Variants in ACTR3C observed in about 807,000 individuals in gnomAD.
The protein encoded by ACTR3C is actin related protein 3C.
A neutral mutation model predicts 26.3 loss-of-function variants in ACTR3C; 18 were observed. The ratio of observed to expected loss-of-function variants is 0.68; its 90% confidence interval spans 0.47 to 1.01. The LOEUF (loss-of-function observed/expected upper bound fraction) is 1.01. Ranked by LOEUF, ACTR3C falls within the 50% of genes least tolerant of loss-of-function variation. The probability of loss-of-function intolerance (pLI) is 0.00; values close to 1 mark genes in which losing one functional copy is unlikely to be tolerated. For synonymous variants in ACTR3C, 55 were observed against 94.5 expected, an observed-to-expected ratio of 0.58 and a Z score of 2.42; for missense variants, 184 against 250.7, an observed-to-expected ratio of 0.73 and a Z score of 1.80.
chr7:150,040,230 C>T, the ACTR3C span, among the ~76,000 whole-genome samples: 73 of 147,936 alleles, frequency 4.9e-4, no homozygotes, highest in African/African-American at 1.5e-3. Flanking sequence ...GGGGGGCCAT[C>T]CTTTAGAAAC....
the ACTR3C span, among the ~76,000 whole-genome samples, chr7:150,213,861 G>A: frequency 3.5e-5 from 5 of 141,678 alleles, no homozygotes; most frequent in Admixed American, 3.6e-4. Flanking sequence ...AGTAGAGAAA[G>A]AACTGACAGA....
chr7:150,240,434 G>T (rs562318831), downstream of ACTR3C, among the ~76,000 whole-genome samples: 14 of 152,248 alleles, frequency 9.2e-5, no homozygotes, highest in East Asian at 2.7e-3. Context: ...ATTCTTTACC[G>T]GGACAGCATT....
At chr7:150,071,163 A>G in the ACTR3C span, among the ~76,000 whole-genome samples, 3 of 151,328 alleles carry the variant, frequency 2.0e-5, no homozygotes, top group Non-Finnish European at 2.9e-5. Flanking sequence ...TCGCTCTGTC[A>G]CCCAGGCTGG....
intron 6 of ACTR3C, among the ~76,000 whole-genome samples, chr7:150,249,674 C>T (rs1194457428): frequency 6.6e-6 from 1 of 152,132 alleles, no homozygotes; most frequent in Non-Finnish European, 1.5e-5. Flanking sequence ...AGGCTCGTCT[C>T]GAACTCCTGA....
the ACTR3C span, among the ~76,000 whole-genome samples, chr7:150,082,913 A>G: frequency 4.0e-5 from 6 of 149,294 alleles, no homozygotes; most frequent in Admixed American, 1.3e-4. Flanking sequence ...CAAGTATTCT[A>G]ATTCTTTCTT....
At chr7:150,122,895 A>G in the ACTR3C span, among the ~76,000 whole-genome samples, 5 of 151,358 alleles carry the variant, frequency 3.3e-5, no homozygotes, top group Admixed American at 1.3e-4. Flanking sequence ...ACACCATGGA[A>G]TACTATGCAG....
chr7:150,279,957 T>C (rs1449468086), intron 6 of ACTR3C, among the ~76,000 whole-genome samples: 4 of 152,230 alleles, frequency 2.6e-5, no homozygotes, highest in Non-Finnish European at 5.9e-5. Context: ...GTCTTGTACC[T>C]AGTAGGTACT....
At chr7:149,956,409 A>T in the ACTR3C span, among the ~76,000 whole-genome samples, 4 of 151,104 alleles carry the variant, frequency 2.6e-5, no homozygotes, top group Non-Finnish European at 5.9e-5. Context: ...ATATAAAAAA[A>T]GTAAATAAAC....
intron 3 of ACTR3C, among the ~76,000 whole-genome samples, chr7:150,291,152 C>T (rs1430610827): frequency 1.3e-5 from 2 of 152,106 alleles, no homozygotes; most frequent in Non-Finnish European, 2.9e-5. Context: ...GAGCTTAGGC[C>T]GGGCATAGTG....
At position 150,259,291 on chromosome 7, in the gene ACTR3C, A is replaced by AAGAAAG. The variant is rs879890269; in HGVS notation, c.565-10238_565-10237insCTTTCT. On this transcript the variant is annotated intron_variant, in intron 6 of 7. Coordinates refer to ENST00000683684, the MANE Select transcript of ACTR3C (RefSeq NM_001164458.2). Reference sequence around the variant, plus strand: ...AGAAAGAAAAAGAAAGAAAGAAAGAAAAAGAAAGAAAGAAAGAAAAAGAGA... The same window carrying AAGAAAG: ...AGAAAGAAAAAGAAAGAAAGAAAGAAAGAAAGAAAGAAAGAAAGAAAGAAAAAGAGA... Among the ~76,000 whole-genome samples, 595 of 149,600 alleles carry AAGAAAG rather than the reference A, an allele frequency of 4.0e-3. 4 individuals carry two copies. The highest frequency in any genetic ancestry group is 0.014 in the African/African-American group (553 of 39,392).
chr7:150,321,985 T>A (rs1797563905), intron 1 of ACTR3C, among the ~76,000 whole-genome samples: 1 of 152,170 alleles, frequency 6.6e-6, no homozygotes, highest in African/African-American at 2.4e-5. Context: ...TGGAAAGAAG[T>A]TCAAGGTAGC....
intron 6 of ACTR3C, among the ~76,000 whole-genome samples, chr7:150,277,231 C>T: frequency 6.6e-6 from 1 of 152,172 alleles, no homozygotes; most frequent in Non-Finnish European, 1.5e-5. Context: ...TGGCTCACAT[C>T]TGTAATTCCA....
At chr7:150,022,261 T>A in the ACTR3C span, among the ~76,000 whole-genome samples, 1 of 152,018 alleles carries the variant, frequency 6.6e-6, no homozygotes, top group Admixed American at 6.6e-5. Context: ...GCCATTTGTA[T>A]ACCTTCTTTT....
At chr7:150,296,533 C>T (rs930370289) in intron 1 of ACTR3C, among the ~76,000 whole-genome samples, 4 of 150,532 alleles carry the variant, frequency 2.7e-5, no homozygotes, top group Admixed American at 2.7e-4. Flanking sequence ...TTTTCTCATT[C>T]AACAATATAC....
the ACTR3C span, among the ~76,000 whole-genome samples, chr7:150,179,250 G>A: frequency 6.9e-6 from 1 of 143,896 alleles, no homozygotes; most frequent in Non-Finnish European, 1.5e-5. Context: ...AGGTAGAGAT[G>A]ATTTATTGCC....
the ACTR3C span, among the ~76,000 whole-genome samples, chr7:150,097,465 G>A: frequency 4.6e-5 from 7 of 151,506 alleles, no homozygotes; most frequent in Admixed American, 6.6e-5. Flanking sequence ...GGAGTTCTGC[G>A]GGTCACCTAT....
chr7:150,266,025 G>T (rs1411618120), intron 6 of ACTR3C, among the ~76,000 whole-genome samples: 1 of 149,806 alleles, frequency 6.7e-6, no homozygotes, highest in African/African-American at 2.5e-5. Flanking sequence ...TTCCCATTTT[G>T]CTACTTGATT....
At chr7:150,180,177 C>T in the ACTR3C span, among the ~76,000 whole-genome samples, 1 of 149,998 alleles carries the variant, frequency 6.7e-6, no homozygotes, top group Non-Finnish European at 1.5e-5. Flanking sequence ...TGGTCGTGGG[C>T]ACCTGTAGTC....
chr7:149,971,982 C>CT, the ACTR3C span, among the ~76,000 whole-genome samples: 2 of 152,230 alleles, frequency 1.3e-5, no homozygotes, highest in Non-Finnish European at 2.9e-5. Flanking sequence ...TCTTTTCCTG[C>CT]TTTTTCTTCC....
Sources: allele counts gnomAD v4.1 joint callset (sites outside exome capture counted in the v4.1 genomes callset), GRCh38; gene constraint gnomAD v4.1.1; transcripts MANE v1.5; gene names NCBI Gene and HGNC (gene_info 2026-07-23, HGNC 2026-07-21).